Variants in MYO1H observed in about 807,000 individuals in gnomAD.
The protein encoded by MYO1H is myosin IH.
In MYO1H, 118 loss-of-function variants were observed where a neutral mutation model predicts 149.3. The observed-to-expected ratio is 0.79, with a 90% confidence interval of 0.68 to 0.92. The LOEUF (loss-of-function observed/expected upper bound fraction) is 0.92, where lower values mean the gene tolerates loss of function less well. MYO1H is among the 40% of genes least tolerant of loss of function. The pLI, the probability that MYO1H is intolerant of heterozygous loss-of-function variation, is 0.00. For missense variants in MYO1H, 1,212 were observed against 1,280.7 expected (o/e 0.95, Z 0.82); for synonymous variants, 447 against 465.2 (o/e 0.96, Z 0.50).
chr12:109,388,936 T>A (rs572055815), intron 2 of MYO1H, 92 bp downstream of exon 2: 1 of 1,416,850 alleles, frequency 7.1e-7, no homozygotes, highest in Non-Finnish European at 9.5e-7. Flanking sequence ...AGCACTCTAT[T>A]AGGTTAGACA....
At chr12:109,414,075 G>T (rs1870793795) in intron 14 of MYO1H, among the ~76,000 whole-genome samples, 1 of 152,286 alleles carries the variant, frequency 6.6e-6, no homozygotes, top group African/African-American at 2.4e-5. Context: ...TAATCTGGGT[G>T]CTGGTTGCAC....
chr12:109,347,587 T>TC (rs369307629), upstream of MYO1H, among the ~76,000 whole-genome samples: 2 of 72,884 alleles, frequency 2.7e-5, no homozygotes, highest in Non-Finnish European at 7.2e-5. Flanking sequence ...TTCTTTTCTT[T>TC]TTTTTTTCTT....
chr12:109,387,802 C>G (rs955577099), intron 1 of MYO1H, among the ~76,000 whole-genome samples: 1 of 152,262 alleles, frequency 6.6e-6, no homozygotes, highest in African/African-American at 2.4e-5. Flanking sequence ...ATACCTACTC[C>G]TGTTCCCTCT....
intron 1 of MYO1H, among the ~76,000 whole-genome samples, chr12:109,378,401 G>T (rs1484602041): frequency 7.9e-5 from 12 of 151,624 alleles, no homozygotes; most frequent in Admixed American, 7.9e-4. Context: ...GCTTACTGCA[G>T]CCTTGACCTC....
At chr12:109,314,863 A>G in the MYO1H span, among the ~76,000 whole-genome samples, 1 of 152,222 alleles carries the variant, frequency 6.6e-6, no homozygotes, top group Non-Finnish European at 1.5e-5. Flanking sequence ...ACTTTGGGAG[A>G]CTGAGGTCAG....
the MYO1H span, among the ~76,000 whole-genome samples, chr12:109,318,612 A>T: frequency 6.6e-6 from 1 of 152,188 alleles, no homozygotes; most frequent in African/African-American, 2.4e-5. Flanking sequence ...CAGTCAACTC[A>T]TGAGGAAAAA....
chr12:109,411,073 C>T (rs933803569), intron 13 of MYO1H, among the ~76,000 whole-genome samples: 4 of 152,070 alleles, frequency 2.6e-5, no homozygotes, highest in African/African-American at 4.8e-5. Flanking sequence ...ACCCCGGAGG[C>T]AGAGGTTGCA....
intron 18 of MYO1H, 35 bp downstream of exon 18, chr12:109,426,086 A>G (rs1219685074): frequency 6.5e-7 from 1 of 1,532,864 alleles, no homozygotes; most frequent in Admixed American, 1.7e-5. Flanking sequence ...GGGCTCAGGG[A>G]AAGGAGGCTG....
intron 1 of MYO1H, among the ~76,000 whole-genome samples, chr12:109,363,844 A>G (rs1283479137): frequency 3.3e-5 from 5 of 152,084 alleles, no homozygotes; most frequent in African/African-American, 1.2e-4. Flanking sequence ...CAAGACGAAA[A>G]AGAAATAAAA....
chr12:109,382,762 T>C (rs1416625492), intron 1 of MYO1H, among the ~76,000 whole-genome samples: 2 of 151,682 alleles, frequency 1.3e-5, no homozygotes, highest in African/African-American at 4.8e-5. Context: ...CATACGTTCA[T>C]TGTTGAAGCT....
Position 109,415,546 on chromosome 12 carries a change from AG to A in MYO1H, c.1526del (p.Gly509AlafsTer38). On this transcript the variant is annotated frameshift_variant, in exon 15 of 32. Transcript: ENST00000310903. LOFTEE classifies it high-confidence loss of function. The stretch of plus-strand genomic sequence containing the variant: ...CGTAGCCGTAAGCTGGCTGGTCCAA[AG>A]GGCCGAAAGAGGATTGGCTGGATGG... The A allele has an allele frequency of 6.2e-7, 1 of 1,607,330 alleles. No individual in the cohort carries two copies.
upstream of MYO1H, among the ~76,000 whole-genome samples, chr12:109,344,433 T>C (rs80351999): frequency 1.9e-3 from 296 of 152,226 alleles, 1 homozygote; most frequent in Middle Eastern, 6.8e-3. Flanking sequence ...GCAAAAGAAG[T>C]GTAAGACTTG....
chr12:109,332,996 A>C, the MYO1H span, among the ~76,000 whole-genome samples: 1 of 151,894 alleles, frequency 6.6e-6, no homozygotes, highest in African/African-American at 2.4e-5. Context: ...AATTCTATGA[A>C]GGTTTTCTTT....
chr12:109,361,204 A>G (rs1004426100), intron 1 of MYO1H, among the ~76,000 whole-genome samples: 10 of 152,192 alleles, frequency 6.6e-5, no homozygotes, highest in East Asian at 1.9e-4. Flanking sequence ...CCACACACTG[A>G]AAAGTGCATA....
chr12:109,356,161 T>G (rs1868592219), intron 1 of MYO1H, among the ~76,000 whole-genome samples: 1 of 152,176 alleles, frequency 6.6e-6, no homozygotes, highest in Non-Finnish European at 1.5e-5. Context: ...CTACTAATTT[T>G]CTTACTAACC....
intron 1 of MYO1H, among the ~76,000 whole-genome samples, chr12:109,356,866 C>A (rs929259718): frequency 6.6e-6 from 1 of 152,204 alleles, no homozygotes; most frequent in East Asian, 1.9e-4. Flanking sequence ...AACTGTAGAG[C>A]TGTCAGTGTT....
intron 3 of MYO1H, among the ~76,000 whole-genome samples, chr12:109,394,747 T>G (rs1331864856): frequency 6.6e-6 from 1 of 152,174 alleles, no homozygotes; most frequent in Non-Finnish European, 1.5e-5. Flanking sequence ...AAGTCACTTA[T>G]AAGCCTTTCT....
chr12:109,396,254 A>G, intron 3 of MYO1H, 130 bp from the exon 4 acceptor site: 1 of 708,116 alleles, frequency 1.4e-6, no homozygotes, highest in African/African-American at 1.8e-5. Flanking sequence ...GTTTGAGCTC[A>G]TTGTCCTTGT....
At chr12:109,390,240 T>G (rs1869587317) in intron 2 of MYO1H, among the ~76,000 whole-genome samples, 1 of 151,194 alleles carries the variant, frequency 6.6e-6, no homozygotes, top group African/African-American at 2.4e-5. Context: ...TGGGTCTTGC[T>G]AAGTTGCCCA....
Sources: gnomAD v4.1 joint callset for allele counts (sites outside exome capture counted in the v4.1 genomes callset) on GRCh38, gnomAD v4.1.1 for gene constraint, MANE v1.5 for transcripts, NCBI Gene and HGNC (gene_info 2026-07-23, HGNC 2026-07-21) for gene names.